Variants in CDC42BPA observed in about 807,000 individuals in gnomAD.
CDC42BPA encodes the protein CDC42 binding protein kinase alpha, also known as serine/threonine-protein kinase MRCK alpha.
Under a neutral mutation model 223.5 loss-of-function variants are expected in CDC42BPA, and 80 were observed. The ratio of observed to expected loss-of-function variants is 0.36; its 90% CI spans 0.30 to 0.43. CDC42BPA has a LOEUF of 0.43. Ranked by LOEUF, CDC42BPA falls within the 20% of genes least tolerant of loss-of-function variation. The pLI, the probability that CDC42BPA is intolerant of heterozygous loss-of-function variation, is 1.00. For missense variants in CDC42BPA, 1,743 were observed against 2,099.9 expected (o/e 0.83, Z 3.32); for synonymous variants, 694 against 718.6 (o/e 0.97, Z 0.55).
chr1:227,107,559 C>A (rs566669097), intron 14 of CDC42BPA, among the ~76,000 whole-genome samples: 1 of 152,082 alleles, frequency 6.6e-6, no homozygotes, highest in Non-Finnish European at 1.5e-5. Flanking sequence ...GTAGCTGGGA[C>A]GACAGGTGCC....
At chr1:227,033,004 C>T (rs1055374562) in intron 27 of CDC42BPA, among the ~76,000 whole-genome samples, 2 of 152,130 alleles carry the variant, frequency 1.3e-5, no homozygotes, top group African/African-American at 2.4e-5. Context: ...TCAAGACAGA[C>T]ATTTTTATTT....
chr1:227,178,422 G>GTT (rs1249938319), intron 5 of CDC42BPA: 3 of 153,094 alleles, frequency 2.0e-5, no homozygotes, highest in African/African-American at 7.2e-5. Context: ...GGCTTCTCCA[G>GTT]CCACGTGGAA....
intron 1 of CDC42BPA, among the ~76,000 whole-genome samples, chr1:227,286,724 A>C (rs1189218349): frequency 2.0e-5 from 3 of 152,334 alleles, no homozygotes; most frequent in Admixed American, 2.0e-4. Flanking sequence ...TGGGTAATTT[A>C]CAAAGAGATT....
chr1:227,115,112 G>C (rs1687563294), intron 12 of CDC42BPA, among the ~76,000 whole-genome samples: 4 of 152,196 alleles, frequency 2.6e-5, no homozygotes. Flanking sequence ...AAATTGTTTA[G>C]ATGGTAATTT....
At chr1:226,999,804 A>G (rs763296923) in intron 35 of CDC42BPA, among the ~76,000 whole-genome samples, 1 of 152,126 alleles carries the variant, frequency 6.6e-6, no homozygotes, top group Non-Finnish European at 1.5e-5. Flanking sequence ...TTACAGGGAC[A>G]TGGATGAAGC....
At chr1:227,094,318 A>G (rs1572766876) in intron 15 of CDC42BPA, among the ~76,000 whole-genome samples, 1 of 152,294 alleles carries the variant, frequency 6.6e-6, no homozygotes, top group Non-Finnish European at 1.5e-5. Flanking sequence ...GCCACTTGCT[A>G]TGTGGGCTCT....
chr1:227,058,480 G>A (rs932026365), intron 21 of CDC42BPA, among the ~76,000 whole-genome samples: 2 of 152,154 alleles, frequency 1.3e-5, no homozygotes, highest in African/African-American at 2.4e-5. Flanking sequence ...TGAACATTAC[G>A]AATTTGTATC....
chr1:227,284,117 A>G (rs984886213), intron 1 of CDC42BPA, among the ~76,000 whole-genome samples: 5 of 152,216 alleles, frequency 3.3e-5, no homozygotes, highest in African/African-American at 1.2e-4. Flanking sequence ...ACTAATGAAT[A>G]AACCATAAAC....
chr1:227,311,178 A>AC (rs11383535), intron 1 of CDC42BPA, among the ~76,000 whole-genome samples: 77,425 of 151,450 alleles, frequency 0.51, 19,864 homozygotes, highest in South Asian at 0.59. Context: ...ACATAATGAG[A>AC]CCCCCCATCT....
Position 227,297,967 on chromosome 1 carries a change from T to TATATATATATATATACACACACACACAC in CDC42BPA, c.178+19037_178+19038insGTGTGTGTGTGTGTATATATATATATAT, listed in dbSNP as rs369403944. On this transcript the variant is annotated intron_variant, in intron 1 of 36. Coordinates refer to ENST00000366766, the MANE Select transcript of CDC42BPA (RefSeq NM_001394014.1). ...GTGTGTGTGTGTGTATATATACATATACACACACACACACATATATACATA... is the reference window on the plus strand; with the variant it reads ...GTGTGTGTGTGTGTATATATACATATATATATATATATATACACACACACACACACACACACACACACATATATACATA... 2.4e-3 allele frequency among the ~76,000 whole-genome samples: 323 copies of TATATATATATATATACACACACACACAC among 131,936 alleles called. 5 individuals are homozygous for TATATATATATATATACACACACACACAC. Among genetic ancestry groups the TATATATATATATATACACACACACACAC allele is most frequent in the African/African-American group, 8.6e-3 (293 of 34,086 alleles). The allele number at this position is 131,936 out of a possible 152,430, so 86.6% of individuals were successfully genotyped here. A position where few individuals can be genotyped will look rare whatever the true frequency, so the allele number is the denominator to read the frequency against.
chr1:227,298,096 T>A (rs72632817), intron 1 of CDC42BPA, among the ~76,000 whole-genome samples: 14,597 of 149,662 alleles, frequency 0.098, 1,128 homozygotes, highest in East Asian at 0.35. Context: ...TGTTTTTTTT[T>A]ATCTGTCTCA....
chr1:227,073,758 T>C (rs986014195), intron 19 of CDC42BPA, 106 bp downstream of exon 19: 2 of 868,046 alleles, frequency 2.3e-6, no homozygotes, highest in African/African-American at 1.8e-5. Flanking sequence ...TATTTGGCCA[T>C]CATTTTTCTA....
chr1:227,024,463 G>A (rs1488769125), intron 31 of CDC42BPA, among the ~76,000 whole-genome samples: 1 of 152,106 alleles, frequency 6.6e-6, no homozygotes, highest in South Asian at 2.1e-4. Context: ...CTAGGTATAT[G>A]ACTCAAACTC....
At chr1:227,264,920 C>T (rs1684722163) in intron 1 of CDC42BPA, 9 of 1,286,056 alleles carry the variant, frequency 7.0e-6, no homozygotes, top group South Asian at 5.9e-5. Context: ...CAGCTCAATA[C>T]CCCACTCGGT....
At chr1:227,211,624 G>T (rs2150354098) in intron 3 of CDC42BPA, among the ~76,000 whole-genome samples, 1 of 152,160 alleles carries the variant, frequency 6.6e-6, no homozygotes, top group Middle Eastern at 3.4e-3. Context: ...TCTGCAGCAA[G>T]ATGAATGGAA....
At chr1:227,179,654 A>AAAAAAAAAAAAC in intron 5 of CDC42BPA, among the ~76,000 whole-genome samples, 1 of 149,830 alleles carries the variant, frequency 6.7e-6, no homozygotes, top group Non-Finnish European at 1.5e-5. Flanking sequence ...AAAAAAAAAA[A>AAAAAAAAAAAAC]AAAAAAGCTA....
chr1:227,209,591 T>C (rs1393971978), intron 3 of CDC42BPA, among the ~76,000 whole-genome samples: 10 of 145,466 alleles, frequency 6.9e-5, no homozygotes, highest in East Asian at 4.1e-4. Flanking sequence ...TGTCAAAGGC[T>C]TTTTCTGCAT....
chr1:227,187,672 ACCCCCCACCCCCCC>A (rs1669020572), intron 5 of CDC42BPA, among the ~76,000 whole-genome samples: 1 of 39,592 alleles, frequency 2.5e-5, no homozygotes, highest in African/African-American at 1.1e-4. Flanking sequence ...GATAAATGGC[ACCCCCCACCCCCCC>A]CCCAAAAAAA....
intron 2 of CDC42BPA, among the ~76,000 whole-genome samples, chr1:227,232,008 T>C (rs1320964509): frequency 1.3e-5 from 2 of 152,240 alleles, no homozygotes; most frequent in African/African-American, 4.8e-5. Flanking sequence ...TTTGTCAATT[T>C]TGGCTTTTGT....
Sources: gnomAD v4.1 joint callset for allele counts (sites outside exome capture counted in the v4.1 genomes callset) on GRCh38, gnomAD v4.1.1 for gene constraint, MANE v1.5 for transcripts, NCBI Gene and HGNC (gene_info 2026-07-23, HGNC 2026-07-21) for gene names.